Variants in LGR4 observed in about 807,000 individuals in gnomAD.
The protein encoded by LGR4 is leucine rich repeat containing G protein-coupled receptor 4, also known as leucine-rich repeat-containing G protein-coupled receptor 4.
LGR4 carries 44 observed loss-of-function variants against 84.8 expected under a neutral mutation model. The ratio of observed to expected loss-of-function variants is 0.52; its 90% CI spans 0.41 to 0.67. The LOEUF (loss-of-function observed/expected upper bound fraction) is 0.67, where lower values mean the gene tolerates loss of function less well. LGR4 is among the 30% of genes least tolerant of loss of function. The pLI is 0.00. For synonymous variants in LGR4, 429 were observed against 434.3 expected, an observed-to-expected ratio of 0.99 and a Z score of 0.15; for missense variants, 1,032 against 1,131.4, an observed-to-expected ratio of 0.91 and a Z score of 1.26.
intron 2 of LGR4, among the ~76,000 whole-genome samples, chr11:27,409,363 G>A (rs1475111938): frequency 6.6e-6 from 1 of 152,074 alleles, no homozygotes; most frequent in Non-Finnish European, 1.5e-5. Flanking sequence ...AACCTTGTCA[G>A]TTCAGCTTCA....
intron 1 of LGR4, among the ~76,000 whole-genome samples, chr11:27,461,964 G>A (rs1864692570): frequency 6.7e-6 from 1 of 150,180 alleles, no homozygotes; most frequent in Non-Finnish European, 1.5e-5. Context: ...CAAGTAGCTG[G>A]ATTACAGGTG....
chr11:27,467,369 C>T (rs1339980823), intron 1 of LGR4, among the ~76,000 whole-genome samples: 3 of 151,926 alleles, frequency 2.0e-5, no homozygotes, highest in East Asian at 3.9e-4. Context: ...AATTCAAGAC[C>T]AGCCTGGCCA....
intron 13 of LGR4, among the ~76,000 whole-genome samples, chr11:27,375,597 A>T (rs1321196444): frequency 6.6e-6 from 1 of 152,150 alleles, no homozygotes; most frequent in African/African-American, 2.4e-5. Flanking sequence ...TGAGTCATAT[A>T]CTCTCCGCTG....
At chr11:27,436,602 T>G (rs188360834) in intron 1 of LGR4, among the ~76,000 whole-genome samples, 93 of 152,262 alleles carry the variant, frequency 6.1e-4, no homozygotes, top group African/African-American at 2.1e-3. Flanking sequence ...TTCACCATAT[T>G]TTTTTATCAT....
At position 27,375,843 on chromosome 11, in the gene LGR4, G is replaced by A. The variant is rs74868712; in HGVS notation, c.1181+456C>T. Among the ~76,000 whole-genome samples the A allele has an allele frequency of 1.2e-3, 189 of 152,096 alleles. 6 individuals carry two copies. The East Asian group carries it at 0.034, about 28-fold the overall frequency. ...ATACACATTACACATTTTTCTACTT[G>A]CCAATGTACAATTAGCTAAAGTAAA... On this transcript the variant is annotated intron_variant, in intron 13 of 17. Coordinates refer to ENST00000379214, the MANE Select transcript of LGR4 (RefSeq NM_018490.5).
Position 27,380,286 on chromosome 11 carries a change from A to G in LGR4, c.956T>C (p.Val319Ala), listed in dbSNP as rs1377311132. The G allele has an allele frequency of 3.1e-6, 5 of 1,609,098 alleles. No homozygotes were observed. The highest frequency in any genetic ancestry group is 1.3e-5 in the African/African-American group (1 of 74,782). ...VQQFPNLTGTVHLESLTLTGT... is the reference protein window; with the variant it reads ...VQQFPNLTGTAHLESLTLTGT... ...CCTTACTTACAGACTTTCCAGGTGG[A>G]CAGTTCCTGTAAGATTGGGGAACTG... Residue 319 changes from valine (V) to alanine (A), a missense_variant, in exon 10 of 18, where the codon GTC (valine) becomes GCC (alanine). Coordinates refer to ENST00000379214, the MANE Select transcript of LGR4 (RefSeq NM_018490.5).
intron 1 of LGR4, among the ~76,000 whole-genome samples, chr11:27,437,933 T>C (rs190783811): frequency 6.6e-6 from 1 of 152,068 alleles, no homozygotes; most frequent in Non-Finnish European, 1.5e-5. Flanking sequence ...GAAGGACAAC[T>C]TGAGCTTGCG....
At chr11:27,384,074 G>A (rs1230975813) in intron 6 of LGR4, among the ~76,000 whole-genome samples, 1 of 152,144 alleles carries the variant, frequency 6.6e-6, no homozygotes, top group Non-Finnish European at 1.5e-5. Context: ...TTTCTGGAAA[G>A]GTATAAATCT....
chr11:27,440,909 C>T (rs755105208), intron 1 of LGR4, among the ~76,000 whole-genome samples: 4 of 152,166 alleles, frequency 2.6e-5, no homozygotes, highest in African/African-American at 9.7e-5. Flanking sequence ...TTTTACACAG[C>T]CCTCCTGGTG....
chr11:27,438,656 C>T (rs1485785106), intron 1 of LGR4, among the ~76,000 whole-genome samples: 1 of 146,328 alleles, frequency 6.8e-6, no homozygotes, highest in Non-Finnish European at 1.5e-5. Context: ...TATGGGTGGG[C>T]CTCATCCAAT....
chr11:27,447,253 G>T (rs1864407863), intron 1 of LGR4, among the ~76,000 whole-genome samples: 1 of 152,132 alleles, frequency 6.6e-6, no homozygotes, highest in East Asian at 1.9e-4. Flanking sequence ...AGCAGGAGTG[G>T]TTGCACAAGA....
rs1862775743 is a variant in LGR4, at chr11:27,366,980, CA to C, written c.*886del. ...AAGCTATTGCTAGGTGACATCCCAG[CA>C]AATTGGAAAATATTAGTAGAGCCAA... is the stretch of plus-strand genomic sequence containing the variant. On this transcript the variant is annotated 3_prime_UTR_variant, in exon 18 of 18. Transcript: ENST00000379214. 1.3e-5 allele frequency: 2 copies of C among 152,086 alleles called. No homozygotes were observed. The highest frequency in any genetic ancestry group is 2.9e-5 in the Non-Finnish European group (2 of 68,004). The allele number at this position is 152,086 out of a possible 1,614,324, so 9.4% of individuals were successfully genotyped here.
At chr11:27,386,528 T>C (rs565638324) in intron 4 of LGR4, among the ~76,000 whole-genome samples, 1 of 152,290 alleles carries the variant, frequency 6.6e-6, no homozygotes, top group African/African-American at 2.4e-5. Flanking sequence ...TTTAAAGAAA[T>C]AGTTTGACAA....
chr11:27,401,380 A>G (rs978142612), intron 2 of LGR4, among the ~76,000 whole-genome samples: 5 of 152,180 alleles, frequency 3.3e-5, no homozygotes, highest in African/African-American at 1.2e-4. Context: ...GGAATACTTT[A>G]TTTTAGAGGT....
chr11:27,380,807 A>T, intron 8 of LGR4, 88 bp downstream of exon 8: 1 of 1,178,964 alleles, frequency 8.5e-7, no homozygotes, highest in Admixed American at 1.8e-5. Context: ...TAAAATCCTG[A>T]CTTCTCATTC....
intron 2 of LGR4, among the ~76,000 whole-genome samples, chr11:27,393,465 T>C (rs764246227): frequency 2.8e-4 from 43 of 152,286 alleles, no homozygotes; most frequent in Non-Finnish European, 5.1e-4. Flanking sequence ...TGCTCTCTTC[T>C]ACACATGTCT....
In LGR4 at chr11:27,380,908, G is replaced by C; in HGVS notation, c.817C>G (p.Leu273Val). Reference sequence around the variant, plus strand: ...AAAAATACTTACATAGTTCTTAAGAGTGGATTACCATCAAATGCTCCATCA... The same window carrying C: ...AAAAATACTTACATAGTTCTTAAGACTGGATTACCATCAAATGCTCCATCA... ...IPDGAFDGNP[L>V]LRTIHLYDNP... Residue 273 changes from leucine to valine, a missense_variant, in exon 8 of 18, where the codon CTC becomes GTC. Physicochemically the swap from Leu to Val is conservative, Grantham distance 32. Transcript: ENST00000379214. The C allele has an allele frequency of 6.5e-7, 1 of 1,544,570 alleles. No individual in the cohort carries two copies. Among genetic ancestry groups the C allele is most frequent in the Non-Finnish European group, 9.0e-7 (1 of 1,117,314 alleles).
chr11:27,367,725 GAAAT>G lies in LGR4; in HGVS notation c.*138_*141del. 1.7e-6 allele frequency: 1 copy of G among 604,302 alleles called. No homozygotes were observed. Among genetic ancestry groups the G allele is most frequent in the Non-Finnish European group, 2.8e-6 (1 of 355,046 alleles). 37.4% of individuals were successfully genotyped at this position (604,302 alleles called of 1,614,324 possible). On this transcript the variant is annotated 3_prime_UTR_variant, in exon 18 of 18. Transcript: ENST00000379214. ...TGTTCTTTGAAAATGACTGGTTTGA[GAAAT>G]AAACTGCCACCTCTCCTTCTTCTAA...
chr11:27,410,995 C>T (rs1240753369), intron 2 of LGR4, among the ~76,000 whole-genome samples: 3 of 152,056 alleles, frequency 2.0e-5, no homozygotes, highest in South Asian at 2.1e-4. Context: ...GGTTTGACTC[C>T]ACATCCAGGT....
Sources: allele counts gnomAD v4.1 joint callset (sites outside exome capture counted in the v4.1 genomes callset), GRCh38; gene constraint gnomAD v4.1.1; transcripts MANE v1.5; gene names NCBI Gene and HGNC (gene_info 2026-07-23, HGNC 2026-07-21).